CASZ1: variants seen among roughly 807,000 people sequenced by gnomAD.
CASZ1 encodes the protein zinc finger protein castor homolog 1.
Under a neutral mutation model 135.2 loss-of-function variants are expected in CASZ1, and 28 were observed. That is an observed-to-expected ratio of 0.21 (90% CI 0.15 to 0.28). CASZ1 has a LOEUF of 0.28. Among genes scored for constraint, CASZ1 ranks in the 10% least tolerant of loss-of-function variants. The pLI is 1.00. For missense variants in CASZ1, 2,161 were observed against 2,453.3 expected, an observed-to-expected ratio of 0.88 and a Z score of 2.52; for synonymous variants, 1,068 against 1,073.4, an observed-to-expected ratio of 0.99 and a Z score of 0.10.
At position 10,646,392 on chromosome 1, in the gene CASZ1, T is replaced by G; in HGVS notation, c.3498-66A>C. ...AAGCCCTCCCTGCTGGTGTCCTGAC[T>G]TCACTTGTGTTGGAGTTCACTCCCC... On this transcript the variant is annotated intron_variant, in intron 16 of 20. Transcript: ENST00000377022. The surrounding 1 kb of genome is among the most constrained non-coding windows in gnomAD (Gnocchi z 6.4). 6.6e-7 allele frequency: 1 copy of G among 1,511,788 alleles called. No homozygotes were observed. Among genetic ancestry groups the G allele is most frequent in the Non-Finnish European group, 9.1e-7 (1 of 1,098,560 alleles). 93.6% of individuals were successfully genotyped at this position (1,511,788 alleles called of 1,614,324 possible). A position where few individuals can be genotyped will look rare whatever the true frequency, so the allele number is the denominator to read the frequency against.
intron 1 of CASZ1, among the ~76,000 whole-genome samples, chr1:10,763,990 G>A (rs1557558667): frequency 6.6e-6 from 1 of 152,192 alleles, no homozygotes; most frequent in Non-Finnish European, 1.5e-5. Context: ...AGCCTCCCGA[G>A]TAGCTGGGAC....
intron 2 of CASZ1, among the ~76,000 whole-genome samples, chr1:10,760,232 G>A (rs555354275): frequency 1.3e-5 from 2 of 152,290 alleles, no homozygotes; most frequent in South Asian, 2.1e-4. Context: ...CAGCAGAGCA[G>A]CCTCTGGAGA....
Position 10,709,144 on chromosome 1 carries a change from C to T in CASZ1, c.-76-3600G>A, listed in dbSNP as rs553704437. Among the ~76,000 whole-genome samples, 1 of 152,268 alleles carries T rather than the reference C, an allele frequency of 6.6e-6. No individual in the cohort carries two copies. Among genetic ancestry groups the T allele is most frequent in the African/African-American group, 2.4e-5 (1 of 41,558 alleles). ...GGTCCAGGACTTGGCTTTGGAGCCT[C>T]TCACCCACAGCTGCCCAGCTCCATA... On this transcript the variant is annotated intron_variant, in intron 2 of 20. Transcript: ENST00000377022. The surrounding 1 kb of genome is among the most constrained non-coding windows in gnomAD (Gnocchi z 5.1).
At position 10,721,172 on chromosome 1, in the gene CASZ1, G is replaced by C. The variant is rs1639489827; in HGVS notation, c.-76-15628C>G. 6.6e-6 allele frequency among the ~76,000 whole-genome samples: 1 copy of C among 152,006 alleles called. No homozygotes were observed. Among genetic ancestry groups the C allele is most frequent in the Non-Finnish European group, 1.5e-5 (1 of 67,992 alleles). On this transcript the variant is annotated intron_variant, in intron 2 of 20. Coordinates refer to ENST00000377022, the MANE Select transcript of CASZ1 (RefSeq NM_001079843.3). This position sits in a 1 kb window ranked among gnomAD's most constrained non-coding sequence, Gnocchi z 5.4. Reference sequence around the variant, plus strand: ...ATTAATTATCTTTCTGGCCAAGCTTGGCCACCAACTCCAGACTGCACAGGG... The same window carrying C: ...ATTAATTATCTTTCTGGCCAAGCTTCGCCACCAACTCCAGACTGCACAGGG...
chr1:10,793,035 TG>T lies in CASZ1; in HGVS notation c.-234+3528del, dbSNP rs199820131. Among the ~76,000 whole-genome samples, 19 of 151,750 alleles carry T rather than the reference TG, an allele frequency of 1.3e-4. No individual in the cohort carries two copies. The South Asian group carries it at 4.0e-3, about 32-fold the overall frequency. ...GAACTTCTTTTAAATTAAAAAGGGG[TG>T]GGGGGCAAGATAAACTATTAATAAG... is the stretch of plus-strand genomic sequence containing the variant. On this transcript the variant is annotated intron_variant, in intron 1 of 20. Transcript: ENST00000377022.
intron 4 of CASZ1, among the ~76,000 whole-genome samples, chr1:10,680,154 AC>A (rs1638364090): frequency 6.6e-6 from 1 of 151,896 alleles, no homozygotes; most frequent in Non-Finnish European, 1.5e-5. Flanking sequence ...CCTGGGCCTG[AC>A]CTCTGGGCAA....
intron 4 of CASZ1, among the ~76,000 whole-genome samples, chr1:10,693,184 T>G (rs1170024279): frequency 6.6e-6 from 1 of 151,940 alleles, no homozygotes. Flanking sequence ...GTCTGGTCCA[T>G]CACCACCCCT....
At chr1:10,670,151 C>T (rs1159377782) in intron 4 of CASZ1, among the ~76,000 whole-genome samples, 1 of 152,186 alleles carries the variant, frequency 6.6e-6, no homozygotes, top group Admixed American at 6.5e-5. Flanking sequence ...CTGGTAGCTG[C>T]CCTGGGCCAT....
At chr1:10,659,631 T>G in intron 6 of CASZ1, 71 bp downstream of exon 6, 2 of 1,257,492 alleles carry the variant, frequency 1.6e-6, no homozygotes, top group Non-Finnish European at 2.3e-6. Context: ...CGGGCAACCC[T>G]GGTGAGGAAG....
chr1:10,642,808 G>T (rs1385557528), intron 20 of CASZ1, 51 bp downstream of exon 20: 18 of 1,595,954 alleles, frequency 1.1e-5, no homozygotes, highest in Non-Finnish European at 1.4e-5. Flanking sequence ...AGCGGTGCTG[G>T]GCTTTGGGAG....
chr1:10,770,068 C>G (rs1018318144), intron 1 of CASZ1, among the ~76,000 whole-genome samples: 1 of 151,986 alleles, frequency 6.6e-6, no homozygotes, highest in Non-Finnish European at 1.5e-5. Context: ...CTTTTCTTTT[C>G]TCTCTCTTCT....
At chr1:10,778,343 C>T (rs1245034289) in intron 1 of CASZ1, among the ~76,000 whole-genome samples, 1 of 151,730 alleles carries the variant, frequency 6.6e-6, no homozygotes, top group Non-Finnish European at 1.5e-5. Context: ...CACAATCTCA[C>T]ACTTCACCTC....
intron 2 of CASZ1, among the ~76,000 whole-genome samples, chr1:10,708,784 G>A (rs928205107): frequency 6.6e-6 from 1 of 152,016 alleles, no homozygotes; most frequent in Non-Finnish European, 1.5e-5. Context: ...AGGAGGAGAG[G>A]AGAGAGTGAA....
chr1:10,751,641 C>T (rs967743017), intron 2 of CASZ1, among the ~76,000 whole-genome samples: 1 of 152,216 alleles, frequency 6.6e-6, no homozygotes, highest in African/African-American at 2.4e-5. Flanking sequence ...GCCAAACCAC[C>T]GGGCAGGCTG....
At chr1:10,648,994 C>T in intron 15 of CASZ1, 76 bp downstream of exon 15, 1 of 1,572,990 alleles carries the variant, frequency 6.4e-7, no homozygotes. Flanking sequence ...GCTGTACCAG[C>T]CTGAGCCCCA....
intron 4 of CASZ1, among the ~76,000 whole-genome samples, chr1:10,669,537 G>A (rs541238705): frequency 1.7e-4 from 26 of 152,338 alleles, no homozygotes; most frequent in African/African-American, 5.1e-4. Context: ...CACCCCCTCC[G>A]TAGGCGGGGG....
In CASZ1 at chr1:10,654,402, A is replaced by C. The variant is rs780157061; in HGVS notation, c.1838+17T>G. On this transcript the variant is annotated intron_variant, in intron 10 of 20. Transcript: ENST00000377022. Reference sequence around the variant, plus strand: ...CCCGCTTCTGCCCACGAAGGCCCCCACCAGGCTCCCGCTTACCTGCAGTGG... The same window carrying C: ...CCCGCTTCTGCCCACGAAGGCCCCCCCCAGGCTCCCGCTTACCTGCAGTGG... 15 of 1,610,424 alleles carry C rather than the reference A, an allele frequency of 9.3e-6. 1 individual carries two copies. Among genetic ancestry groups the C allele is most frequent in the Admixed American group, 8.4e-5 (5 of 59,776 alleles).
Position 10,697,156 on chromosome 1 carries a change from A to G in CASZ1, c.-23-3244T>C, listed in dbSNP as rs1337145224. ...AGGCCAACTCGGAGCGCAAGGATTTATGAAGGTCAGAGAAGGCGGCGGAGG... is the reference window on the plus strand; with the variant it reads ...AGGCCAACTCGGAGCGCAAGGATTTGTGAAGGTCAGAGAAGGCGGCGGAGG... On this transcript the variant is annotated intron_variant, in intron 3 of 20. Coordinates refer to ENST00000377022, the MANE Select transcript of CASZ1 (RefSeq NM_001079843.3). The surrounding 1 kb of genome is among the most constrained non-coding windows in gnomAD (Gnocchi z 4.7). 6.6e-6 allele frequency among the ~76,000 whole-genome samples: 1 copy of G among 152,230 alleles called. No homozygotes were observed. Among genetic ancestry groups the G allele is most frequent in the African/African-American group, 2.4e-5 (1 of 41,464 alleles).
intron 1 of CASZ1, among the ~76,000 whole-genome samples, chr1:10,765,285 G>C (rs981063900): frequency 2.0e-5 from 3 of 151,794 alleles, no homozygotes; most frequent in Non-Finnish European, 2.9e-5. Flanking sequence ...ATAAGCCCGG[G>C]GTGGGGAGAG....
Sources: gnomAD v4.1 joint callset for allele counts (sites outside exome capture counted in the v4.1 genomes callset) on GRCh38, gnomAD v4.1.1 for gene constraint, Gnocchi (gnomAD v3.1) non-coding constraint, MANE v1.5 for transcripts, NCBI Gene and HGNC (gene_info 2026-07-23, HGNC 2026-07-21) for gene names.